The following ABITRAM variants were observed in gnomAD, a reference collection of about 807,000 sequenced individuals.
ABITRAM encodes actin binding transcription modulator.
ABITRAM carries 19 observed loss-of-function variants against 22.9 expected under a neutral mutation model. That is an observed-to-expected ratio of 0.83 (90% confidence interval 0.58 to 1.22). The LOEUF (loss-of-function observed/expected upper bound fraction) is 1.22, where lower values mean the gene tolerates loss of function less well. Ranked by LOEUF, ABITRAM falls within the 50% of genes most tolerant of loss-of-function variation. The probability of loss-of-function intolerance (pLI) is 0.00; values close to 1 mark genes in which losing one functional copy is unlikely to be tolerated. For synonymous variants in ABITRAM, 70 were observed against 73.9 expected (o/e 0.95, Z 0.27); for missense variants, 215 against 220.2 (o/e 0.98, Z 0.15).
At chr9:108,938,262 C>T (rs1347020757) in intron 3 of ABITRAM, among the ~76,000 whole-genome samples, 4 of 152,114 alleles carry the variant, frequency 2.6e-5, no homozygotes, top group Admixed American at 2.6e-4. Context: ...ATGAAGAACC[C>T]ACGTGCGGAG....
chr9:108,939,324 TTC>T (rs1830228364), intron 4 of ABITRAM, 52 bp downstream of exon 4: 1 of 1,591,794 alleles, frequency 6.3e-7, no homozygotes. Context: ...GTAATTTTTT[TTC>T]TTAGAAACAA....
In ABITRAM at chr9:108,939,692, G is replaced by T; in HGVS notation, c.*6G>T. ...CCACAACAGCTACGTCATGAGGATT[G>T]ACATGGAACAAAAAGCAAAGTGGGA... On this transcript the variant is annotated 3_prime_UTR_variant, in exon 6 of 6. Transcript: ENST00000322940. 6.2e-7 allele frequency: 1 copy of T among 1,612,190 alleles called. No individual in the cohort carries two copies. The highest frequency in any genetic ancestry group is 1.1e-5 in the South Asian group (1 of 90,694).
chr9:108,946,343 A>T (rs2132080232), intron 3 of ABITRAM, among the ~76,000 whole-genome samples: 1 of 150,256 alleles, frequency 6.7e-6, no homozygotes, highest in South Asian at 2.1e-4. Flanking sequence ...CAGAGACATC[A>T]TATTTTACCC....
chr9:108,943,780 T>C (rs1457169306), downstream of ABITRAM: 12 of 1,613,886 alleles, frequency 7.4e-6, no homozygotes, highest in Non-Finnish European at 1.0e-5. Context: ...AGCTTGTTTA[T>C]TTCCAGGAGA....
chr9:108,948,319 G>A, intron 3 of ABITRAM: 2 of 1,299,712 alleles, frequency 1.5e-6, no homozygotes, highest in Non-Finnish European at 2.1e-6. Flanking sequence ...TAGAGCATTT[G>A]TGTATTAACA....
chr9:108,943,765 G>A (rs764734016), downstream of ABITRAM: 15 of 1,613,854 alleles, frequency 9.3e-6, no homozygotes, highest in East Asian at 1.1e-4. Context: ...TGGCATAGAG[G>A]AATTAGCTTG....
At chr9:108,944,085 T>A, downstream of ABITRAM, 1 of 1,382,402 alleles carries the variant, frequency 7.2e-7, no homozygotes, top group Non-Finnish European at 1.0e-6. Context: ...GAAATATACT[T>A]ACTAATAATT....
At chr9:108,945,622 C>G (rs1361166271), downstream of ABITRAM, among the ~76,000 whole-genome samples, 1 of 114,166 alleles carries the variant, frequency 8.8e-6, no homozygotes, top group Non-Finnish European at 1.8e-5. Context: ...CCACCATGCC[C>G]CGCTAGTTTT....
At position 108,939,463 on chromosome 9, in the gene ABITRAM, G is replaced by C. The variant is rs776477895; in HGVS notation, c.408+9G>C. ...CTATTCTTCAAGAAAAGGTAAAAGA[G>C]AGAGAAAAAATATGATCTCATCCAC... On this transcript the variant is annotated intron_variant, in intron 5 of 5. Coordinates refer to ENST00000322940, the MANE Select transcript of ABITRAM (RefSeq NM_017832.4). 1 of 1,606,238 alleles carries C rather than the reference G, an allele frequency of 6.2e-7. No homozygotes were observed. Among genetic ancestry groups the C allele is most frequent in the Non-Finnish European group, 8.5e-7 (1 of 1,178,008 alleles).
intron 3 of ABITRAM, among the ~76,000 whole-genome samples, chr9:108,949,933 A>G (rs1426521137): frequency 6.6e-6 from 1 of 151,282 alleles, no homozygotes; most frequent in African/African-American, 2.4e-5. Context: ...CTAAGGCATG[A>G]GAATTGCTTG....
rs1401632598 is a variant in ABITRAM, at chr9:108,939,566, C to T, written c.426C>T (p.Tyr142=). 1.9e-6 allele frequency: 3 copies of T among 1,613,708 alleles called. No individual in the cohort carries two copies. Among genetic ancestry groups the T allele is most frequent in the African/African-American group, 2.7e-5 (2 of 74,820 alleles). ...ILQEKPSTEG[Y]IAVVLPKFEE... ...CTTTCCAGCCATCTACTGAAGGCTA[C>T]ATTGCAGTTGTGTTACCCAAATTTG... Residue 142 remains tyrosine, a synonymous_variant, in exon 6 of 6, where the codon TAC becomes TAT. Transcript: ENST00000322940.
At chr9:108,948,098 C>T in intron 3 of ABITRAM, 2 of 1,408,428 alleles carry the variant, frequency 1.4e-6, no homozygotes, top group Non-Finnish European at 2.0e-6. Flanking sequence ...AGCATATACA[C>T]ATGATATAAT....
chr9:108,943,279 T>C (rs1238858856), downstream of ABITRAM, among the ~76,000 whole-genome samples: 1 of 152,052 alleles, frequency 6.6e-6, no homozygotes, highest in East Asian at 1.9e-4. Context: ...GGGTGGAAAA[T>C]TAATCATTCT....
intron 1 of ABITRAM, 111 bp downstream of exon 1, chr9:108,934,676 G>A: frequency 2.0e-6 from 2 of 1,024,194 alleles, no homozygotes; most frequent in Non-Finnish European, 1.4e-6. Context: ...CCGTCCCCAC[G>A]TCAGAAGGCA....
chr9:108,936,482 T>C, intron 3 of ABITRAM, 45 bp downstream of exon 3: 1 of 1,592,840 alleles, frequency 6.3e-7, no homozygotes, highest in Non-Finnish European at 8.6e-7. Context: ...ATCCTCTATA[T>C]TCATGGTAAT....
intron 3 of ABITRAM, chr9:108,948,196 T>C: frequency 6.2e-7 from 1 of 1,612,242 alleles, no homozygotes. Flanking sequence ...CTCTAGTTGA[T>C]GAATTAAATC....
At chr9:108,949,640 T>C (rs1390853306) in intron 3 of ABITRAM, among the ~76,000 whole-genome samples, 1 of 152,092 alleles carries the variant, frequency 6.6e-6, no homozygotes, top group East Asian at 1.9e-4. Context: ...AGTCAGGAAT[T>C]TGAGACCAGC....
chr9:108,934,862 G>A (rs1451407845), intron 1 of ABITRAM, among the ~76,000 whole-genome samples: 1 of 152,180 alleles, frequency 6.6e-6, no homozygotes, highest in Non-Finnish European at 1.5e-5. Context: ...GGGCTAGGTT[G>A]CAACAGTCCT....
At chr9:108,943,743 G>C, downstream of ABITRAM, 1 of 1,613,760 alleles carries the variant, frequency 6.2e-7, no homozygotes, top group Non-Finnish European at 8.5e-7. Flanking sequence ...CTTAGTTACT[G>C]TCTGGAGCTG....
Sources: allele counts gnomAD v4.1 joint callset (sites outside exome capture counted in the v4.1 genomes callset), GRCh38; gene constraint gnomAD v4.1.1; transcripts MANE v1.5; gene names NCBI Gene and HGNC (gene_info 2026-07-23, HGNC 2026-07-21).